The following TANC2 variants were observed in gnomAD, a reference collection of about 807,000 sequenced individuals.
TANC2 encodes the protein protein TANC2.
TANC2 carries 26 observed loss-of-function variants against 210.5 expected under a neutral mutation model. The observed-to-expected ratio is 0.12, with a 90% CI of 0.09 to 0.17. TANC2 has a LOEUF of 0.17. Among genes scored for constraint, TANC2 ranks in the 10% least tolerant of loss-of-function variants. TANC2 has a pLI of 1.00. For synonymous variants in TANC2, 931 were observed against 967.1 expected (o/e 0.96, Z 0.69); for missense variants, 2,129 against 2,608.9 (o/e 0.82, Z 4.01).
chr17:63,300,790 C>T (rs1486088557), intron 9 of TANC2, among the ~76,000 whole-genome samples: 1 of 152,114 alleles, frequency 6.6e-6, no homozygotes, highest in East Asian at 1.9e-4. Context: ...GCCTGATTGC[C>T]CTGGCCAAAA....
chr17:63,406,389 G>T (rs1399264962), intron 21 of TANC2, 112 bp downstream of exon 21: 15 of 1,484,682 alleles, frequency 1.0e-5, no homozygotes, highest in Non-Finnish European at 1.4e-5. Context: ...TAATCCAGTT[G>T]GTTGGAAAAT....
In TANC2 at chr17:63,405,302, A is replaced by G; in HGVS notation, c.3465+47A>G. On this transcript the variant is annotated intron_variant, in intron 20 of 27. Coordinates refer to ENST00000689528, the Ensembl canonical transcript of TANC2. ...AGTCCCTCAGGCAGGACTGAGTTCT[A>G]GGTGAGGACTTCTGATGCACAGAGC... is the stretch of plus-strand genomic sequence containing the variant. 6 of 1,490,116 alleles carry G rather than the reference A, an allele frequency of 4.0e-6. 1 individual carries two copies. The highest frequency in any genetic ancestry group is 5.4e-6 in the Non-Finnish European group (6 of 1,104,972). The allele number at this position is 1,490,116 out of a possible 1,614,324, so 92.3% of individuals were successfully genotyped here. A position where few individuals can be genotyped will look rare whatever the true frequency, so the allele number is the denominator to read the frequency against.
chr17:62,980,242 T>C (rs2032234056), intron 1 of TANC2, among the ~76,000 whole-genome samples: 1 of 152,182 alleles, frequency 6.6e-6, no homozygotes, highest in Non-Finnish European at 1.5e-5. Context: ...AACAGAGATG[T>C]TCTGTTTGTT....
chr17:63,174,283 T>C (rs1224634433), intron 5 of TANC2, among the ~76,000 whole-genome samples: 1 of 152,230 alleles, frequency 6.6e-6, no homozygotes, highest in Non-Finnish European at 1.5e-5. Context: ...AGCTCTTTTG[T>C]TACCCTCATT....
chr17:63,061,335 C>G (rs1598336047), intron 2 of TANC2, among the ~76,000 whole-genome samples: 1 of 151,370 alleles, frequency 6.6e-6, no homozygotes, highest in Admixed American at 6.6e-5. Flanking sequence ...CCATTGCTCT[C>G]CAGCCTGGGT....
At chr17:63,352,745 A>G (rs2046653125) in intron 13 of TANC2, among the ~76,000 whole-genome samples, 1 of 152,048 alleles carries the variant, frequency 6.6e-6, no homozygotes, top group East Asian at 2.0e-4. Context: ...CCGACAGTGA[A>G]AGAATTTATA....
At chr17:62,975,031 T>C (rs2031923804) in intron 1 of TANC2, among the ~76,000 whole-genome samples, 1 of 152,190 alleles carries the variant, frequency 6.6e-6, no homozygotes, top group South Asian at 2.1e-4. Flanking sequence ...TTAAGAAATA[T>C]GGCCCCAGTT....
At chr17:63,185,132 C>T (rs56120938) in intron 5 of TANC2, among the ~76,000 whole-genome samples, 2 of 152,088 alleles carry the variant, frequency 1.3e-5, no homozygotes, top group East Asian at 3.9e-4. Context: ...GTAGCTGGGA[C>T]TACAGGCGTG....
intron 7 of TANC2, among the ~76,000 whole-genome samples, chr17:63,208,297 C>G (rs1449214454): frequency 6.6e-6 from 1 of 152,144 alleles, no homozygotes; most frequent in Non-Finnish European, 1.5e-5. Flanking sequence ...CAGTGTATTG[C>G]TGCCAAAAGC....
chr17:63,018,973 T>A (rs947985193), intron 2 of TANC2, among the ~76,000 whole-genome samples: 1 of 152,194 alleles, frequency 6.6e-6, no homozygotes, highest in Non-Finnish European at 1.5e-5. Context: ...TTGTTTCCAA[T>A]TTGTGCTATT....
At chr17:63,008,463 G>A (rs2143812563) in intron 1 of TANC2, among the ~76,000 whole-genome samples, 1 of 152,234 alleles carries the variant, frequency 6.6e-6, no homozygotes, top group East Asian at 1.9e-4. Context: ...GACACACCAA[G>A]TACTTACAAC....
intron 4 of TANC2, among the ~76,000 whole-genome samples, chr17:63,119,333 A>G (rs2038373557): frequency 6.6e-6 from 1 of 152,204 alleles, no homozygotes; most frequent in Admixed American, 6.5e-5. Context: ...TTATTTTGTC[A>G]TTATACCATT....
intron 8 of TANC2, among the ~76,000 whole-genome samples, chr17:63,257,251 G>A (rs766570440): frequency 2.0e-5 from 3 of 151,800 alleles, no homozygotes; most frequent in Non-Finnish European, 2.9e-5. Context: ...TGTTGTGAAC[G>A]TGATTTTTTT....
At chr17:63,305,656 G>A (rs944741166) in intron 9 of TANC2, 3 of 152,220 alleles carry the variant, frequency 2.0e-5, no homozygotes, top group African/African-American at 7.2e-5. Flanking sequence ...AGTAGTGTAA[G>A]TCAGTGTATA....
chr17:63,189,797 G>A (rs2041122286), intron 5 of TANC2, among the ~76,000 whole-genome samples: 1 of 152,092 alleles, frequency 6.6e-6, no homozygotes, highest in Admixed American at 6.5e-5. Flanking sequence ...TGTCACTTGT[G>A]CTTTTAGTGT....
intron 1 of TANC2, among the ~76,000 whole-genome samples, chr17:62,985,028 A>G (rs1269292727): frequency 6.6e-6 from 1 of 152,192 alleles, no homozygotes; most frequent in African/African-American, 2.4e-5. Context: ...GTCTGTCTAG[A>G]TGAACTCTCC....
At position 63,220,703 on chromosome 17, in the gene TANC2, CAA is replaced by C. The variant is rs373846699; in HGVS notation, c.770-17095_770-17094del. Among the ~76,000 whole-genome samples the C allele has an allele frequency of 9.6e-3, 883 of 91,938 alleles. 16 individuals carry two copies. Among genetic ancestry groups the C allele is most frequent in the African/African-American group, 0.033 (727 of 22,218 alleles). The allele number at this position is 91,938 out of a possible 152,430, so 60.3% of individuals were successfully genotyped here. ...TGGGCAACAGAGCAAGAATCAGTCTCAAAAAAAAAAAAAAAAATATATATATA... is the reference window on the plus strand; with the variant it reads ...TGGGCAACAGAGCAAGAATCAGTCTCAAAAAAAAAAAAAAATATATATATA... On this transcript the variant is annotated intron_variant, in intron 7 of 27. Coordinates refer to ENST00000689528, the Ensembl canonical transcript of TANC2.
chr17:63,394,223 G>A (rs532994490), intron 17 of TANC2, among the ~76,000 whole-genome samples: 1 of 152,296 alleles, frequency 6.6e-6, no homozygotes, highest in East Asian at 1.9e-4. Context: ...TTGCTATGAA[G>A]TCATGGATAT....
intron 5 of TANC2, chr17:63,153,937 G>C (rs746156174): frequency 6.6e-6 from 1 of 152,132 alleles, no homozygotes; most frequent in Non-Finnish European, 1.5e-5. Context: ...TTCACTGATG[G>C]TTAAGTCCAA....
Sources: allele counts gnomAD v4.1 joint callset (sites outside exome capture counted in the v4.1 genomes callset), GRCh38; gene constraint gnomAD v4.1.1; transcripts MANE v1.5; gene names NCBI Gene and HGNC (gene_info 2026-07-23, HGNC 2026-07-21).